SOCS2: variants seen among roughly 807,000 people sequenced by gnomAD.
SOCS2 encodes CIS-2.
In SOCS2, 10 loss-of-function variants were observed where a neutral mutation model predicts 18.6. The ratio of observed to expected loss-of-function variants is 0.54; its 90% CI spans 0.33 to 0.91. The LOEUF (loss-of-function observed/expected upper bound fraction) is 0.91. SOCS2 is among the 40% of genes least tolerant of loss of function. The probability of loss-of-function intolerance (pLI) is 0.02; values close to 1 mark genes in which losing one functional copy is unlikely to be tolerated. For missense variants in SOCS2, 231 were observed against 247.2 expected, an observed-to-expected ratio of 0.93 and a Z score of 0.44; for synonymous variants, 104 against 104.0, an observed-to-expected ratio of 1.00 and a Z score of 0.00.
downstream of SOCS2, among the ~76,000 whole-genome samples, chr12:93,580,019 T>C (rs1219936213): frequency 6.6e-6 from 1 of 152,208 alleles, no homozygotes; most frequent in African/African-American, 2.4e-5. Flanking sequence ...TTGCCTCTCT[T>C]AGAGAAAGGC....
chr12:93,616,680 G>GCC, the SOCS2 span, among the ~76,000 whole-genome samples: 1 of 152,180 alleles, frequency 6.6e-6, no homozygotes, highest in Non-Finnish European at 1.5e-5. Context: ...ATTTCAATGG[G>GCC]CGGGGGTATG....
the SOCS2 span, among the ~76,000 whole-genome samples, chr12:93,602,508 G>A: frequency 6.6e-6 from 1 of 152,130 alleles, no homozygotes; most frequent in Admixed American, 6.5e-5. Flanking sequence ...ATGTGTGAAC[G>A]TGCTTCCTGT....
the SOCS2 span, among the ~76,000 whole-genome samples, chr12:93,608,947 G>A: frequency 6.6e-6 from 1 of 152,136 alleles, no homozygotes; most frequent in Admixed American, 6.5e-5. Flanking sequence ...CTTTCCAGGG[G>A]TAAGTATTTA....
At chr12:93,615,108 C>G in the SOCS2 span, among the ~76,000 whole-genome samples, 3 of 152,144 alleles carry the variant, frequency 2.0e-5, no homozygotes, top group East Asian at 1.9e-4. Flanking sequence ...CCCTCTCCCC[C>G]ACTGGGATAG....
At chr12:93,610,241 A>G in the SOCS2 span, among the ~76,000 whole-genome samples, 2 of 152,216 alleles carry the variant, frequency 1.3e-5, no homozygotes, top group African/African-American at 4.8e-5. Flanking sequence ...TAGGGCAACC[A>G]AGTCATCTCA....
At chr12:93,586,095 G>A (rs193059226), downstream of SOCS2, among the ~76,000 whole-genome samples, 485 of 151,672 alleles carry the variant, frequency 3.2e-3, 11 homozygotes, top group South Asian at 0.057. Flanking sequence ...GGTTGGATCC[G>A]TGGATGGGAA....
chr12:93,623,945 T>A, the SOCS2 span, among the ~76,000 whole-genome samples: 2 of 152,226 alleles, frequency 1.3e-5, no homozygotes, highest in South Asian at 2.1e-4. Context: ...CCTCAGGTGA[T>A]CACCCACGTC....
chr12:93,575,009 C>T lies in SOCS2; in HGVS notation c.427C>T (p.Pro143Ser), dbSNP rs1954415512. 2 of 1,614,098 alleles carry T rather than the reference C, an allele frequency of 1.2e-6. No homozygotes were observed. The highest frequency in any genetic ancestry group is 1.3e-5 in the African/African-American group (1 of 75,036). Residue 143 changes from proline (P) to serine (S), a missense_variant, in exon 2 of 2, where the codon CCC becomes TCC. Physicochemically the swap from Pro to Ser is moderately conservative, Grantham distance 74. Transcript: ENST00000551556. ...GGATAAGCGGACAGGTCCAGAAGCC[C>T]CCCGGAACGGCACTGTTCACCTTTA... ...CKDKRTGPEA[P>S]RNGTVHLYLT...
At chr12:93,594,916 C>T in the SOCS2 span, among the ~76,000 whole-genome samples, 1 of 151,986 alleles carries the variant, frequency 6.6e-6, no homozygotes, top group Non-Finnish European at 1.5e-5. Flanking sequence ...TTGAATAATC[C>T]AATTCAAAAC....
chr12:93,618,461 A>C, the SOCS2 span, among the ~76,000 whole-genome samples: 1,403 of 152,198 alleles, frequency 9.2e-3, 17 homozygotes, highest in African/African-American at 0.029. Flanking sequence ...TCCATGGCTC[A>C]CTGTGTCCAT....
At chr12:93,597,091 T>A in the SOCS2 span, among the ~76,000 whole-genome samples, 1 of 152,202 alleles carries the variant, frequency 6.6e-6, no homozygotes, top group Non-Finnish European at 1.5e-5. Context: ...CCCCCAGTGG[T>A]TGGCTACATC....
chr12:93,621,608 C>T, the SOCS2 span, among the ~76,000 whole-genome samples: 10 of 152,302 alleles, frequency 6.6e-5, no homozygotes, highest in Middle Eastern at 3.4e-3. Context: ...TCCCCAGTAC[C>T]TGGGACCACA....
At chr12:93,587,121 T>C (rs147940955), downstream of SOCS2, among the ~76,000 whole-genome samples, 106 of 152,268 alleles carry the variant, frequency 7.0e-4, no homozygotes, top group African/African-American at 2.5e-3. Context: ...TGTGCTGAGA[T>C]GGCACCACTG....
chr12:93,595,616 A>T, the SOCS2 span, among the ~76,000 whole-genome samples: 1 of 152,220 alleles, frequency 6.6e-6, no homozygotes, highest in Non-Finnish European at 1.5e-5. Context: ...CAGTTAGTTC[A>T]TGACCAAAAG....
the SOCS2 span, among the ~76,000 whole-genome samples, chr12:93,601,823 C>T: frequency 6.6e-6 from 1 of 152,160 alleles, no homozygotes; most frequent in Non-Finnish European, 1.5e-5. Context: ...CATTATACAA[C>T]TGTCTTTTTT....
downstream of SOCS2, among the ~76,000 whole-genome samples, chr12:93,583,986 T>C (rs902773542): frequency 1.3e-5 from 2 of 152,234 alleles, no homozygotes; most frequent in African/African-American, 4.8e-5. Context: ...AATTCCAGAA[T>C]TGGGTAACAC....
the SOCS2 span, among the ~76,000 whole-genome samples, chr12:93,620,787 T>C: frequency 6.6e-6 from 1 of 152,264 alleles, no homozygotes; most frequent in African/African-American, 2.4e-5. Flanking sequence ...AGTGAAGATT[T>C]GATTAAACAC....
At chr12:93,586,896 A>G (rs1303378035), downstream of SOCS2, among the ~76,000 whole-genome samples, 1 of 152,228 alleles carries the variant, frequency 6.6e-6, no homozygotes, top group African/African-American at 2.4e-5. Flanking sequence ...GGCCGGGCAC[A>G]GTGGCTCACA....
the SOCS2 span, among the ~76,000 whole-genome samples, chr12:93,604,134 A>C: frequency 3.3e-5 from 5 of 152,204 alleles, no homozygotes; most frequent in South Asian, 1.0e-3. Context: ...ATGGGTATAA[A>C]AAAGCTTTGA....
Sources: gnomAD v4.1 joint callset for allele counts (sites outside exome capture counted in the v4.1 genomes callset) on GRCh38, gnomAD v4.1.1 for gene constraint, MANE v1.5 for transcripts, NCBI Gene and HGNC (gene_info 2026-07-23, HGNC 2026-07-21) for gene names.